The following LIN9 variants were observed in gnomAD, a reference collection of about 807,000 sequenced individuals.
LIN9 encodes the protein protein lin-9 homolog.
Under a neutral mutation model 78.0 loss-of-function variants are expected in LIN9, and 18 were observed. The observed-to-expected ratio is 0.23, with a 90% CI of 0.16 to 0.34. The LOEUF is 0.34. Ranked by LOEUF, LIN9 falls within the 10% of genes least tolerant of loss-of-function variation. The probability of loss-of-function intolerance (pLI) is 1.00; values close to 1 mark genes in which losing one functional copy is unlikely to be tolerated. For synonymous variants in LIN9, 192 were observed against 215.2 expected, an observed-to-expected ratio of 0.89 and a Z score of 0.94; for missense variants, 451 against 644.1, an observed-to-expected ratio of 0.70 and a Z score of 3.25.
chr1:226,290,495 C>T (rs1241708949), intron 4 of LIN9, among the ~76,000 whole-genome samples: 6 of 151,956 alleles, frequency 3.9e-5, no homozygotes, highest in Admixed American at 2.6e-4. Context: ...CGCCCGCCAC[C>T]ACGCCCGGCT....
chr1:226,233,020 C>T (rs1477230082), intron 14 of LIN9, 76 bp downstream of exon 14: 6 of 830,310 alleles, frequency 7.2e-6, no homozygotes, highest in Non-Finnish European at 5.8e-6. Flanking sequence ...CACAAATATG[C>T]ATAATTCTTA....
At chr1:226,253,196 G>A (rs1207493071) in intron 10 of LIN9, among the ~76,000 whole-genome samples, 1 of 149,040 alleles carries the variant, frequency 6.7e-6, no homozygotes, top group African/African-American at 2.5e-5. Flanking sequence ...CCAGGGGTTT[G>A]AGGCTGTAGT....
At chr1:226,292,143 T>C (rs1661831021) in intron 4 of LIN9, among the ~76,000 whole-genome samples, 1 of 152,118 alleles carries the variant, frequency 6.6e-6, no homozygotes, top group African/African-American at 2.4e-5. Context: ...GGAAAATAGA[T>C]TCAAATTGTT....
chr1:226,233,270 A>G (rs946335206), intron 13 of LIN9, 74 bp downstream of exon 13: 1 of 1,514,424 alleles, frequency 6.6e-7, no homozygotes, highest in African/African-American at 1.4e-5. Context: ...ATAATCAATG[A>G]ATTAATTTCT....
At chr1:226,262,594 A>C (rs1659659407) in intron 10 of LIN9, among the ~76,000 whole-genome samples, 1 of 152,222 alleles carries the variant, frequency 6.6e-6, no homozygotes, top group East Asian at 1.9e-4. Context: ...ATACCACAAC[A>C]AACCTATTAG....
rs1012361789 is a variant in LIN9, at chr1:226,232,204, T to A, written c.*297A>T. The stretch of plus-strand genomic sequence containing the variant: ...CATGCACATTAAAAAAAATGGTCAA[T>A]GTATTCTTCCACGAAATTATATTAT... On this transcript the variant is annotated 3_prime_UTR_variant, in exon 15 of 15. Transcript: ENST00000681046. 2.5e-6 allele frequency: 1 copy of A among 400,782 alleles called. No homozygotes were observed. The allele number at this position is 400,782 out of a possible 1,614,324, so 24.8% of individuals were successfully genotyped here.
intron 12 of LIN9, among the ~76,000 whole-genome samples, chr1:226,238,346 T>C (rs542098944): frequency 3.3e-5 from 5 of 152,246 alleles, no homozygotes; most frequent in Non-Finnish European, 5.9e-5. Flanking sequence ...AATTTGGTCT[T>C]TGGGGCTGGG....
intron 1 of LIN9, among the ~76,000 whole-genome samples, chr1:226,307,598 T>C (rs1662994209): frequency 6.6e-6 from 1 of 152,186 alleles, no homozygotes; most frequent in Non-Finnish European, 1.5e-5. Context: ...ATAGTACCAT[T>C]GCACCCCAGC....
intron 11 of LIN9, among the ~76,000 whole-genome samples, chr1:226,242,961 A>G (rs560124504): frequency 1.3e-5 from 2 of 152,350 alleles, no homozygotes; most frequent in Admixed American, 6.5e-5. Flanking sequence ...TATATAATGC[A>G]TATAGAAGAT....
intron 12 of LIN9, among the ~76,000 whole-genome samples, chr1:226,234,040 G>A (rs908283029): frequency 6.6e-6 from 1 of 152,158 alleles, no homozygotes; most frequent in Non-Finnish European, 1.5e-5. Context: ...CAAATGTGGT[G>A]CTGAGTTCTC....
chr1:226,287,130 G>A (rs559271448), intron 5 of LIN9, among the ~76,000 whole-genome samples: 7 of 152,224 alleles, frequency 4.6e-5, no homozygotes, highest in Non-Finnish European at 7.4e-5. Flanking sequence ...TGGCATATGA[G>A]GAAGGATTAT....
chr1:226,247,666 TTTTC>T (rs1341014884), intron 11 of LIN9, among the ~76,000 whole-genome samples: 34 of 141,008 alleles, frequency 2.4e-4, no homozygotes, highest in Middle Eastern at 7.1e-3. Flanking sequence ...TTGTTGTTTG[TTTTC>T]TTTCTTTTTT....
intron 4 of LIN9, among the ~76,000 whole-genome samples, chr1:226,288,064 C>T (rs188509259): frequency 6.6e-5 from 10 of 152,142 alleles, no homozygotes; most frequent in Non-Finnish European, 1.3e-4. Flanking sequence ...CTCTGCCTCC[C>T]GGGTTCAAGC....
intron 7 of LIN9, among the ~76,000 whole-genome samples, chr1:226,275,933 C>T (rs1660628654): frequency 6.6e-6 from 1 of 151,978 alleles, no homozygotes. Context: ...GAAGCTGAGG[C>T]AGGAGAATTG....
At chr1:226,236,676 C>T (rs1657738574) in intron 12 of LIN9, among the ~76,000 whole-genome samples, 1 of 152,200 alleles carries the variant, frequency 6.6e-6, no homozygotes, top group South Asian at 2.1e-4. Context: ...CCAGGATGGT[C>T]TCGATCTCCT....
At chr1:226,264,083 CAAAT>C (rs1038229709) in intron 10 of LIN9, among the ~76,000 whole-genome samples, 18 of 151,658 alleles carry the variant, frequency 1.2e-4, no homozygotes, top group African/African-American at 4.4e-4. Flanking sequence ...CTCAAACAAA[CAAAT>C]AAATAAATAA....
intron 7 of LIN9, among the ~76,000 whole-genome samples, chr1:226,271,128 A>C (rs2102924316): frequency 6.6e-6 from 1 of 152,302 alleles, no homozygotes; most frequent in Non-Finnish European, 1.5e-5. Context: ...ATGACGTCTC[A>C]AACAACTTTC....
At chr1:226,259,703 A>C (rs898318586) in intron 10 of LIN9, among the ~76,000 whole-genome samples, 1 of 152,200 alleles carries the variant, frequency 6.6e-6, no homozygotes, top group African/African-American at 2.4e-5. Context: ...TAAAAGAAGA[A>C]ATGAAAAAAT....
intron 10 of LIN9, among the ~76,000 whole-genome samples, chr1:226,257,664 A>G (rs1368386490): frequency 6.6e-6 from 1 of 152,238 alleles, no homozygotes; most frequent in African/African-American, 2.4e-5. Flanking sequence ...TAAAAGAAAA[A>G]AAAGTATAAC....
Sources: allele counts gnomAD v4.1 joint callset (sites outside exome capture counted in the v4.1 genomes callset), GRCh38; gene constraint gnomAD v4.1.1; transcripts MANE v1.5; gene names NCBI Gene and HGNC (gene_info 2026-07-23, HGNC 2026-07-21).